MAPRE2: variants seen among roughly 807,000 people sequenced by gnomAD.
MAPRE2 encodes microtubule-associated protein RP/EB family member 2.
In MAPRE2, 13 loss-of-function variants were observed where a neutral mutation model predicts 43.2. The observed-to-expected ratio is 0.30, with a 90% CI of 0.20 to 0.48. The LOEUF (loss-of-function observed/expected upper bound fraction) is 0.48, where lower values mean the gene tolerates loss of function less well. Ranked by LOEUF, MAPRE2 falls within the 20% of genes least tolerant of loss-of-function variation. MAPRE2 has a pLI of 0.99. For synonymous variants in MAPRE2, 135 were observed against 148.8 expected (o/e 0.91, Z 0.68); for missense variants, 161 against 400.2 (o/e 0.40, Z 5.10).
chr18:35,020,374 G>A (rs971355712), intron 2 of MAPRE2, among the ~76,000 whole-genome samples: 1 of 152,072 alleles, frequency 6.6e-6, no homozygotes, highest in African/African-American at 2.4e-5. Flanking sequence ...ATATTTGGTT[G>A]GTAGTTTCTC....
intron 2 of MAPRE2, among the ~76,000 whole-genome samples, chr18:35,090,798 A>G (rs1908110787): frequency 6.6e-6 from 1 of 152,112 alleles, no homozygotes; most frequent in African/African-American, 2.4e-5. Context: ...TGCAGACAGC[A>G]TGATTATGTA....
intron 2 of MAPRE2, among the ~76,000 whole-genome samples, chr18:35,034,519 A>T (rs1203206971): frequency 6.6e-6 from 1 of 152,056 alleles, no homozygotes; most frequent in Non-Finnish European, 1.5e-5. Context: ...ATGGAATCTA[A>T]TTAAACTAAA....
At chr18:35,082,489 A>AC (rs1342441074) in intron 2 of MAPRE2, among the ~76,000 whole-genome samples, 17 of 151,852 alleles carry the variant, frequency 1.1e-4, no homozygotes, top group Admixed American at 2.6e-4. Context: ...CAGCCTCCCT[A>AC]CCCATAACCT....
chr18:35,002,451 T>C (rs1350402579), intron 1 of MAPRE2, among the ~76,000 whole-genome samples: 1 of 152,244 alleles, frequency 6.6e-6, no homozygotes, highest in East Asian at 1.9e-4. Context: ...TGCTGGGTGA[T>C]ATGGTAGTTG....
rs900418192 is a variant in MAPRE2 at position 35,097,364 on chromosome 18, C to A, written c.251-82C>A. 9 of 1,297,554 alleles carry A rather than the reference C, an allele frequency of 6.9e-6. No homozygotes were observed. The Admixed American group carries it at 1.2e-4, about 17-fold the overall frequency. The allele number at this position is 1,297,554 out of a possible 1,614,324, so 80.4% of individuals were successfully genotyped here. ...TGAGTGATGATGGTGCCTGTAAGGA[C>A]AATCCCCTTCCAGCCTAGCAGTCCT... On this transcript the variant is annotated intron_variant, in intron 2 of 6. Coordinates refer to ENST00000300249, the MANE Select transcript of MAPRE2 (RefSeq NM_014268.4).
chr18:35,107,180 G>A (rs1384982414), intron 4 of MAPRE2, among the ~76,000 whole-genome samples: 3 of 152,134 alleles, frequency 2.0e-5, no homozygotes, highest in African/African-American at 7.2e-5. Context: ...CAGTGTTTTA[G>A]CCTTAAAATC....
At chr18:35,117,692 G>C (rs565511891) in intron 4 of MAPRE2, among the ~76,000 whole-genome samples, 77 of 151,972 alleles carry the variant, frequency 5.1e-4, no homozygotes, top group African/African-American at 1.6e-3. Context: ...TGGTGTGTGT[G>C]GTTTTCACTG....
intron 1 of MAPRE2, among the ~76,000 whole-genome samples, chr18:35,043,297 T>TG (rs1905455920): frequency 6.6e-6 from 1 of 152,200 alleles, no homozygotes; most frequent in East Asian, 1.9e-4. Flanking sequence ...GAAAATAAAT[T>TG]TGAAGCCTTC....
At chr18:35,078,804 TCTA>T (rs1736373468) in intron 2 of MAPRE2, among the ~76,000 whole-genome samples, 1 of 152,188 alleles carries the variant, frequency 6.6e-6, no homozygotes, top group African/African-American at 2.4e-5. Flanking sequence ...ATCTGGTAAT[TCTA>T]CTAATGACAA....
At chr18:35,051,842 A>G (rs1403847381) in intron 1 of MAPRE2, among the ~76,000 whole-genome samples, 3 of 152,228 alleles carry the variant, frequency 2.0e-5, no homozygotes, top group African/African-American at 7.2e-5. Context: ...GTGTTACAGA[A>G]CATAAGGTGT....
chr18:35,010,578 T>C (rs1274047537), intron 2 of MAPRE2, among the ~76,000 whole-genome samples: 2 of 152,270 alleles, frequency 1.3e-5, no homozygotes, highest in African/African-American at 4.8e-5. Context: ...GGGATTCCTT[T>C]TGTTTATTCA....
At chr18:35,048,792 AAC>A (rs1905785327) in intron 1 of MAPRE2, among the ~76,000 whole-genome samples, 1 of 150,516 alleles carries the variant, frequency 6.6e-6, no homozygotes, top group East Asian at 1.9e-4. Context: ...TACTATATAT[AAC>A]ACATATATAT....
intron 2 of MAPRE2, among the ~76,000 whole-genome samples, chr18:35,077,932 A>T (rs1001147002): frequency 6.6e-6 from 1 of 152,232 alleles, no homozygotes; most frequent in African/African-American, 2.4e-5. Context: ...AATTTTTAAA[A>T]ACATGTCAAT....
intron 6 of MAPRE2, 45 bp downstream of exon 6, chr18:35,132,235 CTT>C: frequency 6.3e-7 from 1 of 1,594,186 alleles, no homozygotes; most frequent in African/African-American, 1.3e-5. Context: ...AAATGACTCT[CTT>C]GGTCAAAACA....
chr18:35,071,215 T>A (rs766651107), intron 2 of MAPRE2, among the ~76,000 whole-genome samples: 81 of 152,094 alleles, frequency 5.3e-4, no homozygotes, highest in Non-Finnish European at 1.1e-3. Flanking sequence ...AGGAGGATGT[T>A]TTAAAAAACG....
intron 1 of MAPRE2, among the ~76,000 whole-genome samples, chr18:34,983,196 T>C (rs1245422647): frequency 2.0e-5 from 3 of 152,260 alleles, no homozygotes; most frequent in African/African-American, 7.2e-5. Flanking sequence ...AAAAATGTAG[T>C]TACCAACCAT....
chr18:35,003,456 T>C (rs185177863), intron 1 of MAPRE2, among the ~76,000 whole-genome samples: 2 of 152,332 alleles, frequency 1.3e-5, no homozygotes, highest in Admixed American at 1.3e-4. Context: ...TAAGATAGTT[T>C]TGAGGATTAA....
intron 2 of MAPRE2, among the ~76,000 whole-genome samples, chr18:35,079,824 G>A (rs1224380600): frequency 2.6e-5 from 4 of 152,246 alleles, no homozygotes; most frequent in African/African-American, 7.2e-5. Context: ...TTAAGAATGA[G>A]AAGTTATTCA....
At chr18:34,978,689 C>G (rs2097014522) in intron 1 of MAPRE2, 1 of 753,190 alleles carries the variant, frequency 1.3e-6, no homozygotes, top group African/African-American at 1.7e-5. Flanking sequence ...TCGTTCTTTT[C>G]TGCCAAACTG....
Sources: gnomAD v4.1 joint callset for allele counts (sites outside exome capture counted in the v4.1 genomes callset) on GRCh38, gnomAD v4.1.1 for gene constraint, MANE v1.5 for transcripts, NCBI Gene and HGNC (gene_info 2026-07-23, HGNC 2026-07-21) for gene names.